Variants in CCDC169 observed in about 807,000 individuals in gnomAD.
CCDC169 encodes the protein coiled-coil domain-containing protein 169.
A neutral mutation model predicts 36.0 loss-of-function variants in CCDC169; 30 were observed. That is an observed-to-expected ratio of 0.83 (90% CI 0.62 to 1.13). The LOEUF (loss-of-function observed/expected upper bound fraction) is 1.13. Ranked by LOEUF, CCDC169 falls within the 50% of genes most tolerant of loss-of-function variation. The pLI, the probability that CCDC169 is intolerant of heterozygous loss-of-function variation, is 0.00. For missense variants in CCDC169, 245 were observed against 245.9 expected (o/e 1.00, Z 0.03); for synonymous variants, 85 against 81.5 (o/e 1.04, Z -0.23).
chr13:36,256,269 T>A (rs558371649), intron 4 of CCDC169, among the ~76,000 whole-genome samples: 1 of 152,210 alleles, frequency 6.6e-6, no homozygotes, highest in African/African-American at 2.4e-5. Flanking sequence ...TTCGTTCTCA[T>A]GCTGCTATGA....
At position 36,297,804 on chromosome 13, in the gene CCDC169, C is replaced by G; in HGVS notation, c.-85G>C. The G allele has an allele frequency of 7.5e-7, 1 of 1,328,158 alleles. No homozygotes were observed. Among genetic ancestry groups the G allele is most frequent in the Admixed American group, 2.0e-5 (1 of 50,112 alleles). 82.3% of individuals were successfully genotyped at this position (1,328,158 alleles called of 1,614,324 possible). On this transcript the variant is annotated 5_prime_UTR_variant, in exon 1 of 8. Coordinates refer to ENST00000239859, the MANE Select transcript of CCDC169 (RefSeq NM_001144981.3). ...AAGGGCCACCCAGAAGCCAGTACGG[C>G]ACGAGGCGGTGAACCCCAACCGCCC...
intron 7 of CCDC169, among the ~76,000 whole-genome samples, chr13:36,232,177 C>A (rs1870510637): frequency 6.6e-6 from 1 of 152,168 alleles, no homozygotes; most frequent in Admixed American, 6.5e-5. Context: ...TCCATGGTAG[C>A]CTTGAAAACC....
At chr13:36,251,133 A>G (rs77953065) in intron 6 of CCDC169, among the ~76,000 whole-genome samples, 9 of 152,380 alleles carry the variant, frequency 5.9e-5, no homozygotes, top group Non-Finnish European at 1.3e-4. Context: ...CAAGAGGGGG[A>G]AACTCAGTTT....
In CCDC169 at chr13:36,297,698, TGTA is replaced by T. The variant is rs1566096724; in HGVS notation, c.19_21del (p.Tyr7del). ...CGGTTGGTGCTCACACCGTCGAAGTTGTAGTTTCTCTCTTCCTTCATAGTGTCA... is the reference window on the plus strand; with the variant it reads ...CGGTTGGTGCTCACACCGTCGAAGTTGTTTCTCTCTTCCTTCATAGTGTCA... On this transcript the variant is annotated inframe_deletion, in exon 1 of 8. Transcript: ENST00000239859. The T allele has an allele frequency of 4.5e-6, 7 of 1,551,296 alleles. No individual in the cohort carries two copies. The highest frequency in any genetic ancestry group is 5.2e-6 in the Non-Finnish European group (6 of 1,146,994).
chr13:36,231,689 A>G (rs1237169755), intron 7 of CCDC169, among the ~76,000 whole-genome samples: 2 of 152,134 alleles, frequency 1.3e-5, no homozygotes, highest in Non-Finnish European at 2.9e-5. Context: ...GACTTGAGAG[A>G]GTTAAAGGCC....
chr13:36,268,385 A>C (rs957198549), intron 4 of CCDC169, among the ~76,000 whole-genome samples: 2 of 152,230 alleles, frequency 1.3e-5, no homozygotes, highest in African/African-American at 4.8e-5. Context: ...TGGGTTAACA[A>C]TGAAATAAAG....
downstream of CCDC169, among the ~76,000 whole-genome samples, chr13:36,228,644 C>T (rs563819997): frequency 3.3e-4 from 50 of 152,180 alleles, no homozygotes; most frequent in African/African-American, 1.0e-3. Context: ...AACCTCCTGG[C>T]CTGGCTCAAG....
At chr13:36,287,535 T>C (rs566998301) in intron 2 of CCDC169, among the ~76,000 whole-genome samples, 1 of 152,240 alleles carries the variant, frequency 6.6e-6, no homozygotes, top group Non-Finnish European at 1.5e-5. Context: ...CATGTATGTA[T>C]ACATGTTTAG....
In CCDC169 at chr13:36,231,397, A is replaced by G; in HGVS notation, c.546-105T>C. 8 of 1,108,158 alleles carry G rather than the reference A, an allele frequency of 7.2e-6. No individual in the cohort carries two copies. The South Asian group carries it at 1.1e-4, about 15-fold the overall frequency. The allele number at this position is 1,108,158 out of a possible 1,614,324, so 68.6% of individuals were successfully genotyped here. On this transcript the variant is annotated intron_variant, in intron 7 of 7. Transcript: ENST00000239859. ...ATGTATATTGCACCTTGTTCCCCCC[A>G]ACAGACCTTCACACGGAAACCTTCC...
At chr13:36,253,909 C>CTAGCAAG in intron 5 of CCDC169, 53 bp from the exon 6 acceptor site, 1 of 1,543,008 alleles carries the variant, frequency 6.5e-7, no homozygotes, top group Non-Finnish European at 8.7e-7. Context: ...ATTAGCAATA[C>CTAGCAAG]TAGCAAGACT....
intron 7 of CCDC169, among the ~76,000 whole-genome samples, chr13:36,238,157 T>A (rs915622991): frequency 6.6e-6 from 1 of 152,244 alleles, no homozygotes; most frequent in African/African-American, 2.4e-5. Flanking sequence ...TGCTCATTCA[T>A]ACAGGCTTTC....
chr13:36,253,886 A>G, intron 5 of CCDC169, 30 bp from the exon 6 acceptor site: 2 of 1,548,466 alleles, frequency 1.3e-6, no homozygotes, highest in South Asian at 1.2e-5. Context: ...CAAAGGGTCC[A>G]ACATATGAGA....
chr13:36,248,815 AATG>A, intron 6 of CCDC169, 133 bp from the exon 7 acceptor site: 1 of 772,904 alleles, frequency 1.3e-6, no homozygotes. Context: ...AGCTGAGAAA[AATG>A]GGAAATTCTG....
chr13:36,292,025 G>C (rs1475692524), intron 2 of CCDC169, among the ~76,000 whole-genome samples: 1 of 128,550 alleles, frequency 7.8e-6, no homozygotes, highest in Non-Finnish European at 1.6e-5. Context: ...TCTCGTTCTT[G>C]TCATCCAGGC....
At chr13:36,292,290 G>A (rs1289878056) in intron 2 of CCDC169, among the ~76,000 whole-genome samples, 7 of 152,074 alleles carry the variant, frequency 4.6e-5, no homozygotes, top group African/African-American at 1.7e-4. Flanking sequence ...TGCCGCACCT[G>A]GCCTCCATTT....
At chr13:36,291,486 A>C (rs1464965396) in intron 2 of CCDC169, among the ~76,000 whole-genome samples, 1 of 150,106 alleles carries the variant, frequency 6.7e-6, no homozygotes, top group East Asian at 2.0e-4. Flanking sequence ...TCATTTAAAA[A>C]CCCTATTTTC....
chr13:36,227,507 T>G, downstream of CCDC169: 1 of 1,095,370 alleles, frequency 9.1e-7, no homozygotes, highest in Non-Finnish European at 1.2e-6. Context: ...CAAAAATAAA[T>G]AAATAAATAA....
intron 4 of CCDC169, among the ~76,000 whole-genome samples, chr13:36,266,696 G>T (rs1356014422): frequency 6.6e-6 from 1 of 152,122 alleles, no homozygotes; most frequent in Non-Finnish European, 1.5e-5. Context: ...CTTATGTAGG[G>T]TGTCAATACA....
At chr13:36,291,543 C>A (rs555496297) in intron 2 of CCDC169, among the ~76,000 whole-genome samples, 1 of 152,176 alleles carries the variant, frequency 6.6e-6, no homozygotes, top group East Asian at 1.9e-4. Context: ...ATATTTATTT[C>A]ATGATTGTAT....
Sources: allele counts gnomAD v4.1 joint callset (sites outside exome capture counted in the v4.1 genomes callset), GRCh38; gene constraint gnomAD v4.1.1; transcripts MANE v1.5; gene names NCBI Gene and HGNC (gene_info 2026-07-23, HGNC 2026-07-21).